Variants in ADGRL2 observed in about 807,000 individuals in gnomAD.
ADGRL2 encodes calcium-independent alpha-latrotoxin receptor 2.
Under a neutral mutation model 157.4 loss-of-function variants are expected in ADGRL2, and 44 were observed. The ratio of observed to expected loss-of-function variants is 0.28; its 90% CI spans 0.22 to 0.36. ADGRL2 has a LOEUF of 0.36. ADGRL2 is among the 10% of genes least tolerant of loss of function. The pLI is 1.00. For missense variants in ADGRL2, 1,510 were observed against 1,768.9 expected (o/e 0.85, Z 2.63); for synonymous variants, 585 against 624.7 (o/e 0.94, Z 0.95).
intron 2 of ADGRL2, among the ~76,000 whole-genome samples, chr1:81,477,539 A>G (rs914942068): frequency 1.3e-5 from 2 of 152,242 alleles, no homozygotes; most frequent in African/African-American, 2.4e-5. Context: ...CAGTTGCAAA[A>G]GGATCTTTTG....
chr1:81,491,872 G>C (rs142374884), intron 2 of ADGRL2, among the ~76,000 whole-genome samples: 1 of 152,030 alleles, frequency 6.6e-6, no homozygotes, highest in African/African-American at 2.4e-5. Flanking sequence ...TTGTAAACAG[G>C]GTTGTCCAAA....
intron 2 of ADGRL2, among the ~76,000 whole-genome samples, chr1:81,871,180 C>T (rs1434104045): frequency 6.7e-6 from 1 of 148,286 alleles, no homozygotes; most frequent in Non-Finnish European, 1.5e-5. Context: ...TGAGAACATG[C>T]GGTGTTTGGT....
intron 3 of ADGRL2, among the ~76,000 whole-genome samples, chr1:81,927,328 A>T (rs745325102): frequency 2.2e-4 from 33 of 152,136 alleles, no homozygotes; most frequent in Middle Eastern, 3.4e-3. Flanking sequence ...CATTGAAAGT[A>T]CAGAAAAACA....
intron 1 of ADGRL2, among the ~76,000 whole-genome samples, chr1:81,709,050 C>T (rs991169211): frequency 1.3e-5 from 2 of 152,140 alleles, no homozygotes; most frequent in East Asian, 1.9e-4. Flanking sequence ...TATAGTTCAT[C>T]GAATCTAAGA....
At chr1:81,990,276 A>G in intron 23 of ADGRL2, 115 bp from the exon 24 acceptor site, 1 of 1,505,394 alleles carries the variant, frequency 6.6e-7, no homozygotes, top group East Asian at 2.3e-5. Flanking sequence ...TTCAAGTGTT[A>G]GCTTTCAAAT....
intron 1 of ADGRL2, among the ~76,000 whole-genome samples, chr1:81,336,583 G>T (rs1353754344): frequency 1.3e-5 from 2 of 152,104 alleles, no homozygotes; most frequent in African/African-American, 4.8e-5. Flanking sequence ...TATATGTATG[G>T]CTGTCAGTGC....
chr1:81,596,318 G>T, intron 3 of ADGRL2: 1 of 547,242 alleles, frequency 1.8e-6, no homozygotes, highest in South Asian at 1.4e-5. Context: ...TTCTTGTAGT[G>T]ATTCTCAAAC....
chr1:81,851,529 A>G lies in ADGRL2; in HGVS notation c.73+14472A>G, dbSNP rs569177790. 9.8e-4 allele frequency among the ~76,000 whole-genome samples: 149 copies of G among 152,044 alleles called. 1 individual carries two copies. Among genetic ancestry groups the G allele is most frequent in the African/African-American group, 3.5e-3 (145 of 41,562 alleles). ...AATATAAGGAGGACATTTTATCTTCATAATGGGTAATGATGTATTTTATTA... is the reference window on the plus strand; with the variant it reads ...AATATAAGGAGGACATTTTATCTTCGTAATGGGTAATGATGTATTTTATTA... On this transcript the variant is annotated intron_variant, in intron 2 of 23. Coordinates refer to ENST00000686636, the MANE Select transcript of ADGRL2 (RefSeq NM_001366006.2).
At chr1:81,835,051 C>T (rs1280031979) in intron 1 of ADGRL2, among the ~76,000 whole-genome samples, 2 of 152,088 alleles carry the variant, frequency 1.3e-5, no homozygotes, top group Non-Finnish European at 2.9e-5. Context: ...CTGATTTCTT[C>T]CTTCCTCCTC....
intron 2 of ADGRL2, among the ~76,000 whole-genome samples, chr1:81,533,068 G>A (rs1443175847): frequency 6.6e-6 from 1 of 151,708 alleles, no homozygotes; most frequent in Admixed American, 6.6e-5. Flanking sequence ...TTTATTATTT[G>A]CCTAATCATA....
intron 1 of ADGRL2, among the ~76,000 whole-genome samples, chr1:81,379,671 C>T (rs2076310833): frequency 6.6e-6 from 1 of 152,150 alleles, no homozygotes; most frequent in Non-Finnish European, 1.5e-5. Flanking sequence ...ATGCTGGCGT[C>T]TGTCCGTGTG....
intron 17 of ADGRL2, among the ~76,000 whole-genome samples, chr1:81,977,144 A>C (rs1254137247): frequency 6.6e-6 from 1 of 151,888 alleles, no homozygotes; most frequent in Non-Finnish European, 1.5e-5. Flanking sequence ...GGAAGGACAC[A>C]TCTCAATTAT....
chr1:81,832,901 T>A (rs1230521485), intron 1 of ADGRL2, among the ~76,000 whole-genome samples: 5 of 152,186 alleles, frequency 3.3e-5, no homozygotes, highest in Non-Finnish European at 7.3e-5. Flanking sequence ...GGAAATCTAG[T>A]CTGTAAAGAT....
intron 1 of ADGRL2, among the ~76,000 whole-genome samples, chr1:81,366,086 T>A (rs998908167): frequency 3.9e-5 from 6 of 152,166 alleles, no homozygotes; most frequent in African/African-American, 1.4e-4. Flanking sequence ...TTACAGACTG[T>A]CATTCTTTTT....
At chr1:81,480,313 A>C (rs2147874255) in intron 2 of ADGRL2, among the ~76,000 whole-genome samples, 1 of 152,236 alleles carries the variant, frequency 6.6e-6, no homozygotes, top group East Asian at 1.9e-4. Flanking sequence ...ATAAGGTAAA[A>C]AGTCAAGTAT....
intron 2 of ADGRL2, among the ~76,000 whole-genome samples, chr1:81,469,562 C>T (rs1282817871): frequency 6.6e-6 from 1 of 152,122 alleles, no homozygotes; most frequent in African/African-American, 2.4e-5. Flanking sequence ...TCTTTGGTAT[C>T]TTATCCCCCA....
At chr1:81,663,249 A>G (rs891571904) in intron 3 of ADGRL2, among the ~76,000 whole-genome samples, 4 of 151,886 alleles carry the variant, frequency 2.6e-5, no homozygotes, top group African/African-American at 7.3e-5. Flanking sequence ...ACCGCACCCA[A>G]ATAGATTTTC....
intron 2 of ADGRL2, among the ~76,000 whole-genome samples, chr1:81,465,252 A>G (rs2078028755): frequency 6.6e-6 from 1 of 152,228 alleles, no homozygotes; most frequent in Non-Finnish European, 1.5e-5. Flanking sequence ...ACTCATTGAC[A>G]ATTATACTAA....
At chr1:81,933,341 A>G (rs1471825430) in intron 3 of ADGRL2, among the ~76,000 whole-genome samples, 1 of 152,222 alleles carries the variant, frequency 6.6e-6, no homozygotes, top group Non-Finnish European at 1.5e-5. Context: ...CCCACATGGT[A>G]TTACCAAAAT....
Sources: allele counts gnomAD v4.1 joint callset (sites outside exome capture counted in the v4.1 genomes callset), GRCh38; gene constraint gnomAD v4.1.1; transcripts MANE v1.5; gene names NCBI Gene and HGNC (gene_info 2026-07-23, HGNC 2026-07-21).